RFTN2: variants seen among roughly 807,000 people sequenced by gnomAD.
The protein encoded by RFTN2 is raftlin-2.
Under a neutral mutation model 52.7 loss-of-function variants are expected in RFTN2, and 34 were observed. That is an observed-to-expected ratio of 0.64 (90% CI 0.49 to 0.86). The LOEUF is 0.86. Among genes scored for constraint, RFTN2 ranks in the 40% least tolerant of loss-of-function variants. RFTN2 has a pLI of 0.00. For synonymous variants in RFTN2, 203 were observed against 217.7 expected (o/e 0.93, Z 0.59); for missense variants, 536 against 600.1 (o/e 0.89, Z 1.12).
intron 8 of RFTN2, 103 bp from the exon 9 acceptor site, chr2:197,572,383 T>C: frequency 8.8e-7 from 1 of 1,131,838 alleles, no homozygotes; most frequent in Non-Finnish European, 1.3e-6. Context: ...AATGTCCTTT[T>C]CCCCAGCTCT....
At chr2:197,642,654 T>G (rs2088690948) in intron 3 of RFTN2, among the ~76,000 whole-genome samples, 1 of 152,226 alleles carries the variant, frequency 6.6e-6, no homozygotes, top group Non-Finnish European at 1.5e-5. Context: ...AATTATTTTC[T>G]TAAAATCAAT....
At position 197,644,148 on chromosome 2, in the gene RFTN2, A is replaced by G. The variant is rs529792634; in HGVS notation, c.438+10T>C. 5 of 1,502,512 alleles carry G rather than the reference A, an allele frequency of 3.3e-6. No individual in the cohort carries two copies. The highest frequency in any genetic ancestry group is 2.3e-5 in the East Asian group (1 of 44,382). 93.1% of individuals were successfully genotyped at this position (1,502,512 alleles called of 1,614,324 possible). A position where few individuals can be genotyped will look rare whatever the true frequency, so the allele number is the denominator to read the frequency against. Reference sequence around the variant, plus strand: ...TCAATATCCCATGAAAAAGTGCATAAATTTAGTACCTTTTCTATCAGTTCT... The same window carrying G: ...TCAATATCCCATGAAAAAGTGCATAGATTTAGTACCTTTTCTATCAGTTCT... On this transcript the variant is annotated intron_variant, in intron 3 of 8. Transcript: ENST00000295049.
intron 3 of RFTN2, among the ~76,000 whole-genome samples, chr2:197,638,811 G>A (rs1312739868): frequency 1.5e-5 from 2 of 136,188 alleles, no homozygotes; most frequent in Non-Finnish European, 3.2e-5. Context: ...TTGCTCGTTA[G>A]TTGATGCAGT....
intron 7 of RFTN2, among the ~76,000 whole-genome samples, chr2:197,598,891 G>A (rs1217888456): frequency 1.3e-5 from 2 of 151,808 alleles, no homozygotes; most frequent in Admixed American, 1.3e-4. Flanking sequence ...GGTATGGAGT[G>A]TGGAAACAAA....
chr2:197,615,764 A>G (rs977631189), intron 7 of RFTN2, 112 bp downstream of exon 7: 1 of 621,538 alleles, frequency 1.6e-6, no homozygotes, highest in African/African-American at 1.8e-5. Flanking sequence ...TTCGAAGCTC[A>G]GTGTAATGTT....
At chr2:197,593,298 T>C (rs1196260834) in intron 8 of RFTN2, among the ~76,000 whole-genome samples, 1 of 151,982 alleles carries the variant, frequency 6.6e-6, no homozygotes, top group African/African-American at 2.4e-5. Flanking sequence ...CCTAACTACT[T>C]GGGAGGCTAA....
intron 8 of RFTN2, among the ~76,000 whole-genome samples, chr2:197,590,963 G>A (rs1160075668): frequency 1.3e-5 from 2 of 152,212 alleles, no homozygotes; most frequent in South Asian, 2.1e-4. Flanking sequence ...GGTTGCCACT[G>A]CTGGCTGAGG....
At chr2:197,616,185 T>C (rs1391145103) in intron 6 of RFTN2, among the ~76,000 whole-genome samples, 2 of 152,224 alleles carry the variant, frequency 1.3e-5, no homozygotes, top group Non-Finnish European at 2.9e-5. Flanking sequence ...CATCCCGTTG[T>C]CTGAAGTTTG....
intron 6 of RFTN2, among the ~76,000 whole-genome samples, chr2:197,616,548 T>G (rs1179187903): frequency 1.3e-5 from 2 of 152,076 alleles, no homozygotes; most frequent in African/African-American, 4.8e-5. Context: ...CATTTCACCT[T>G]CCTAAAGTGC....
At position 197,612,983 on chromosome 2, in the gene RFTN2, G is replaced by C. The variant is rs2088088141; in HGVS notation, c.1154+2893C>G. Reference sequence around the variant, plus strand: ...TAATTTTAAGTTATGTTTTCGACATGTGGGCCGCAAAAAGAAGATGATGAT... The same window carrying C: ...TAATTTTAAGTTATGTTTTCGACATCTGGGCCGCAAAAAGAAGATGATGAT... On this transcript the variant is annotated intron_variant, in intron 7 of 8. Coordinates refer to ENST00000295049, the MANE Select transcript of RFTN2 (RefSeq NM_144629.3). 2.6e-5 allele frequency among the ~76,000 whole-genome samples: 4 copies of C among 152,190 alleles called. No individual in the cohort carries two copies. The South Asian group carries it at 8.3e-4, about 32-fold the overall frequency.
At position 197,615,849 on chromosome 2, in the gene RFTN2, T is replaced by C. The variant is rs16866774; in HGVS notation, c.1154+27A>G. 1.4e-3 allele frequency: 1,544 copies of C among 1,119,346 alleles called. 21 individuals are homozygous for C. The African/African-American group carries it at 0.021, about 15-fold the overall frequency. 69.3% of individuals were successfully genotyped at this position (1,119,346 alleles called of 1,614,324 possible). A position where few individuals can be genotyped will look rare whatever the true frequency, so the allele number is the denominator to read the frequency against. ...GAAGTTATATATTAGAATTAAATGA[T>C]AGTATGTAAGGATACTTTTGCCTTA... On this transcript the variant is annotated intron_variant, in intron 7 of 8. Transcript: ENST00000295049.
intron 7 of RFTN2, among the ~76,000 whole-genome samples, chr2:197,604,706 G>A (rs1028336266): frequency 1.3e-5 from 2 of 152,074 alleles, no homozygotes; most frequent in African/African-American, 4.8e-5. Flanking sequence ...AGGTCTTTGT[G>A]CATAATTATG....
intron 5 of RFTN2, among the ~76,000 whole-genome samples, chr2:197,621,598 AT>A (rs1323618120): frequency 6.6e-6 from 1 of 151,682 alleles, no homozygotes; most frequent in Non-Finnish European, 1.5e-5. Context: ...TGATGTTACT[AT>A]TGTAATTGTT....
chr2:197,656,692 C>T (rs571195929), intron 1 of RFTN2, among the ~76,000 whole-genome samples: 1 of 152,248 alleles, frequency 6.6e-6, no homozygotes, highest in African/African-American at 2.4e-5. Context: ...TCCCAAACTA[C>T]AGAACTCTGG....
At chr2:197,581,181 T>C (rs568259903) in intron 8 of RFTN2, among the ~76,000 whole-genome samples, 1 of 152,292 alleles carries the variant, frequency 6.6e-6, no homozygotes, top group African/African-American at 2.4e-5. Flanking sequence ...CTAAAACCTA[T>C]AAACTCTCCT....
At position 197,666,038 on chromosome 2, in the gene RFTN2, G is replaced by A. The variant is rs560429627; in HGVS notation, c.139+9282C>T. Among the ~76,000 whole-genome samples the A allele has an allele frequency of 5.9e-5, 9 of 151,690 alleles. No individual in the cohort carries two copies. The South Asian group carries it at 1.9e-3, about 32-fold the overall frequency. ...ACATTTCTCATAGGGCTGGACTAGTGGTTGTGAATCCCTCAGCTGTTGCTT... is the reference window on the plus strand; with the variant it reads ...ACATTTCTCATAGGGCTGGACTAGTAGTTGTGAATCCCTCAGCTGTTGCTT... On this transcript the variant is annotated intron_variant, in intron 1 of 8. Transcript: ENST00000295049.
At position 197,603,087 on chromosome 2, in the gene RFTN2, T is replaced by G. The variant is rs544570902; in HGVS notation, c.1155-7018A>C. ...GGGGACTGTTGTGGGGTGCAGGGAG[T>G]GGGGAGAGATAGCATTAGGAGATAT... On this transcript the variant is annotated intron_variant, in intron 7 of 8. Transcript: ENST00000295049. Among the ~76,000 whole-genome samples, 215 of 151,376 alleles carry G rather than the reference T, an allele frequency of 1.4e-3. 3 individuals are homozygous for G. The highest frequency in any genetic ancestry group is 8.4e-3 in the South Asian group (40 of 4,762).
chr2:197,637,219 T>C (rs1184831671), intron 3 of RFTN2, among the ~76,000 whole-genome samples: 3 of 151,984 alleles, frequency 2.0e-5, no homozygotes, highest in South Asian at 4.2e-4. Context: ...GTTGTGTCTC[T>C]GCCCGGCTTT....
chr2:197,613,507 G>A (rs569872034), intron 7 of RFTN2, among the ~76,000 whole-genome samples: 2 of 152,212 alleles, frequency 1.3e-5, no homozygotes, highest in Non-Finnish European at 1.5e-5. Flanking sequence ...TAAAAACTTC[G>A]GGCTCTATCC....
Sources: allele counts gnomAD v4.1 joint callset (sites outside exome capture counted in the v4.1 genomes callset), GRCh38; gene constraint gnomAD v4.1.1; transcripts MANE v1.5; gene names NCBI Gene and HGNC (gene_info 2026-07-23, HGNC 2026-07-21).